The following FLT1 variants were observed in gnomAD, a reference collection of about 807,000 sequenced individuals.
FLT1 encodes fms related receptor tyrosine kinase 1, also known as vascular endothelial growth factor receptor 1.
Under a neutral mutation model 156.3 loss-of-function variants are expected in FLT1, and 49 were observed. The observed-to-expected ratio is 0.31, with a 90% CI of 0.25 to 0.40. The LOEUF (loss-of-function observed/expected upper bound fraction) is 0.40. Ranked by LOEUF, FLT1 falls within the 10% of genes least tolerant of loss-of-function variation. The probability of loss-of-function intolerance (pLI) is 1.00; values close to 1 mark genes in which losing one functional copy is unlikely to be tolerated. For missense variants in FLT1, 1,322 were observed against 1,637.2 expected, an observed-to-expected ratio of 0.81 and a Z score of 3.32; for synonymous variants, 594 against 583.8, an observed-to-expected ratio of 1.02 and a Z score of -0.25.
chr13:28,331,588 G>A (rs569877546), intron 18 of FLT1, among the ~76,000 whole-genome samples: 5 of 152,114 alleles, frequency 3.3e-5, no homozygotes, highest in East Asian at 1.9e-4. Context: ...CCACCACCAC[G>A]CCCGGCTAAT....
intron 3 of FLT1, among the ~76,000 whole-genome samples, chr13:28,446,074 T>C (rs1276882469): frequency 6.6e-6 from 1 of 152,182 alleles, no homozygotes; most frequent in South Asian, 2.1e-4. Context: ...TATCTTAAAA[T>C]GGCAGAAGAA....
intron 9 of FLT1, 78 bp downstream of exon 9, chr13:28,427,674 C>T (rs946873767): frequency 3.4e-5 from 43 of 1,271,392 alleles, no homozygotes; most frequent in South Asian, 9.5e-5. Flanking sequence ...GATGTTGTTA[C>T]GCTGATTTTT....
chr13:28,332,448 A>G (rs978066950), intron 18 of FLT1, among the ~76,000 whole-genome samples: 3 of 152,226 alleles, frequency 2.0e-5, no homozygotes, highest in South Asian at 2.1e-4. Context: ...AAACGGGACT[A>G]GCTGAGGAAA....
chr13:28,322,250 A>G lies in FLT1; in HGVS notation c.3051+12T>C, dbSNP rs990009839. The G allele has an allele frequency of 6.5e-7, 1 of 1,539,006 alleles. No individual in the cohort carries two copies. The highest frequency in any genetic ancestry group is 1.4e-5 in the African/African-American group (1 of 73,538). The stretch of plus-strand genomic sequence containing the variant: ...CTGGCAGAGAAGAAAAACAGTAAAC[A>G]GCAAGACTGACCTTTCTGGAAGACA... On this transcript the variant is annotated intron_variant, in intron 22 of 29. Coordinates refer to ENST00000282397, the MANE Select transcript of FLT1 (RefSeq NM_002019.4). This position sits in a 1 kb window ranked among gnomAD's most constrained non-coding sequence, Gnocchi z 4.3.
chr13:28,344,188 C>A (rs1166770078), intron 16 of FLT1, among the ~76,000 whole-genome samples: 1 of 152,116 alleles, frequency 6.6e-6, no homozygotes, highest in Non-Finnish European at 1.5e-5. Flanking sequence ...CCTACGAGAC[C>A]CTGCCTGGCC....
At chr13:28,428,160 C>G (rs916660175) in intron 8 of FLT1, among the ~76,000 whole-genome samples, 4 of 152,110 alleles carry the variant, frequency 2.6e-5, no homozygotes, top group African/African-American at 9.7e-5. Flanking sequence ...GATAGAAAAG[C>G]AGTAGCTTAG....
At position 28,480,946 on chromosome 13, in the gene FLT1, G is replaced by T. The variant is rs555458760; in HGVS notation, c.65-13329C>A. 6.6e-5 allele frequency among the ~76,000 whole-genome samples: 10 copies of T among 152,330 alleles called. No homozygotes were observed. In the South Asian group the frequency reaches 1.9e-3, roughly 28 times the overall value. On this transcript the variant is annotated intron_variant, in intron 1 of 29. Coordinates refer to ENST00000282397, the MANE Select transcript of FLT1 (RefSeq NM_002019.4). ...GAATGAGGACTGTCAGATGTGATGCGTTAGCCAGGACTTCATGTTCTTAAC... is the reference window on the plus strand; with the variant it reads ...GAATGAGGACTGTCAGATGTGATGCTTTAGCCAGGACTTCATGTTCTTAAC...
intron 1 of FLT1, among the ~76,000 whole-genome samples, chr13:28,473,783 AAAGAAAGAAAGAAAGAAAG>A (rs1223931863): frequency 3.2e-5 from 3 of 92,792 alleles, no homozygotes; most frequent in South Asian, 7.7e-4. Flanking sequence ...GGAAGGAAAG[AAAGAAAGAAAGAAAGAAAG>A]AAAGAAAGAA....
intron 3 of FLT1, among the ~76,000 whole-genome samples, chr13:28,463,402 G>A (rs939316854): frequency 1.3e-5 from 2 of 152,072 alleles, no homozygotes; most frequent in African/African-American, 2.4e-5. Flanking sequence ...TACATGCTGG[G>A]TTTTGTGACA....
intron 6 of FLT1, 85 bp downstream of exon 6, chr13:28,433,734 G>T: frequency 7.5e-7 from 1 of 1,336,484 alleles, no homozygotes; most frequent in Non-Finnish European, 1.1e-6. Flanking sequence ...AGGATTTTCT[G>T]ATTTTTCCCA....
chr13:28,326,680 C>T (rs962970886), intron 20 of FLT1, among the ~76,000 whole-genome samples: 3 of 151,978 alleles, frequency 2.0e-5, no homozygotes, highest in African/African-American at 7.3e-5. Flanking sequence ...CGCGGGCCAC[C>T]ACGCCTGGCT....
intron 11 of FLT1, among the ~76,000 whole-genome samples, chr13:28,399,872 C>T (rs982244534): frequency 1.3e-5 from 2 of 152,152 alleles, no homozygotes; most frequent in Non-Finnish European, 2.9e-5. Context: ...TTATGTATGC[C>T]TTACAATGCA....
At position 28,322,625 on chromosome 13, in the gene FLT1, T is replaced by C. The variant is rs1207946310; in HGVS notation, c.2953+165A>G. The C allele has an allele frequency of 2.6e-6, 2 of 767,296 alleles. No homozygotes were observed. Among genetic ancestry groups the C allele is most frequent in the Non-Finnish European group, 4.5e-6 (2 of 445,408 alleles). The allele number at this position is 767,296 out of a possible 1,614,324, so 47.5% of individuals were successfully genotyped here. A position where few individuals can be genotyped will look rare whatever the true frequency, so the allele number is the denominator to read the frequency against. The stretch of plus-strand genomic sequence containing the variant: ...CGGTACAGTTCCCTGTCAAAATTAG[T>C]AACTCTGTAAATTATCTTAATTCAA... On this transcript the variant is annotated intron_variant, in intron 21 of 29. Coordinates refer to ENST00000282397, the MANE Select transcript of FLT1 (RefSeq NM_002019.4). This position sits in a 1 kb window ranked among gnomAD's most constrained non-coding sequence, Gnocchi z 4.3.
intron 1 of FLT1, among the ~76,000 whole-genome samples, chr13:28,480,976 C>T (rs2067859448): frequency 6.6e-6 from 1 of 152,218 alleles, no homozygotes; most frequent in Admixed American, 6.5e-5. Flanking sequence ...CTTAACGTGT[C>T]CTTCCTTTTG....
chr13:28,368,677 A>G, intron 14 of FLT1: 2 of 857,128 alleles, frequency 2.3e-6, no homozygotes, highest in South Asian at 1.5e-5. Flanking sequence ...GGTACACAGT[A>G]AATAATCATA....
chr13:28,372,448 T>C (rs1258941487), intron 14 of FLT1, among the ~76,000 whole-genome samples: 1 of 150,760 alleles, frequency 6.6e-6, no homozygotes, highest in East Asian at 1.9e-4. Flanking sequence ...GAAAAAACAT[T>C]GACAAGATAC....
rs938651230 is a variant in FLT1, at chr13:28,302,653, CG to C, written c.*513del. On this transcript the variant is annotated 3_prime_UTR_variant, in exon 30 of 30. Transcript: ENST00000282397. ...TCAAATTCTTTCTCATGCCTTCTCC[CG>C]GTTTCTCTTTTCTCCCTTGCTTTTT... 2 of 235,580 alleles carry C rather than the reference CG, an allele frequency of 8.5e-6. No homozygotes were observed. The highest frequency in any genetic ancestry group is 4.4e-5 in the African/African-American group (2 of 45,346). 14.6% of individuals were successfully genotyped at this position (235,580 alleles called of 1,614,324 possible).
chr13:28,339,216 G>A lies in FLT1; in HGVS notation c.2440C>T (p.Pro814Ser), dbSNP rs781122609. 1.9e-6 allele frequency: 3 copies of A among 1,613,988 alleles called. No homozygotes were observed. In the African/African-American group the frequency reaches 4.0e-5, roughly 22 times the overall value. Residue 814 changes from proline (P) to serine (S), a missense_variant, in exon 17 of 30, where the codon CCT becomes TCT. Physicochemically the swap from Pro to Ser is moderately conservative, Grantham distance 74. Around this residue, in one of 3 missense-constraint regions of FLT1, gnomAD observed 991 missense variants for 1,254.8 expected, o/e 0.79. Coordinates refer to ENST00000282397, the MANE Select transcript of FLT1 (RefSeq NM_002019.4). Reference protein sequence around the residue: ...VPLDEQCERLPYDASKWEFAR... With the variant: ...VPLDEQCERLSYDASKWEFAR... ...AACTCCCACTTGCTGGCATCATAAG[G>A]GAGCCGCTCACACTGCTCATCCAAA... is the stretch of plus-strand genomic sequence containing the variant.
intron 14 of FLT1, among the ~76,000 whole-genome samples, chr13:28,360,954 A>G (rs375458688): frequency 1.3e-5 from 2 of 152,134 alleles, no homozygotes; most frequent in Non-Finnish European, 2.9e-5. Context: ...TACCCCATGC[A>G]TATATATAAT....
Sources: allele counts gnomAD v4.1 joint callset (sites outside exome capture counted in the v4.1 genomes callset), GRCh38; gene constraint gnomAD v4.1.1; regional missense constraint gnomAD v4.1.1; non-coding constraint Gnocchi (gnomAD v3.1); transcripts MANE v1.5; gene names NCBI Gene and HGNC (gene_info 2026-07-23, HGNC 2026-07-21).